The following ENOPH1 variants were observed in gnomAD, a reference collection of about 807,000 sequenced individuals.
The protein encoded by ENOPH1 is enolase-phosphatase 1, also known as enolase-phosphatase E1.
In ENOPH1, 14 loss-of-function variants were observed where a neutral mutation model predicts 31.1. That is an observed-to-expected ratio of 0.45 (90% CI 0.30 to 0.70). The LOEUF (loss-of-function observed/expected upper bound fraction) is 0.70. Among genes scored for constraint, ENOPH1 ranks in the 30% least tolerant of loss-of-function variants. The pLI is 0.09. For missense variants in ENOPH1, 243 were observed against 321.5 expected, an observed-to-expected ratio of 0.76 and a Z score of 1.87; for synonymous variants, 127 against 123.2, an observed-to-expected ratio of 1.03 and a Z score of -0.21.
At chr4:82,458,264 T>C (rs1722541517) in intron 5 of ENOPH1, among the ~76,000 whole-genome samples, 1 of 152,176 alleles carries the variant, frequency 6.6e-6, no homozygotes, top group African/African-American at 2.4e-5. Context: ...CCTAGCACTT[T>C]GGGAGGCCAA....
chr4:82,440,169 A>G (rs1330332539), intron 1 of ENOPH1, among the ~76,000 whole-genome samples: 1 of 152,216 alleles, frequency 6.6e-6, no homozygotes, highest in Non-Finnish European at 1.5e-5. Flanking sequence ...TGCTCAGTAA[A>G]TGTTGGCAGT....
chr4:82,449,057 C>CAAAAAAAAAA (rs10604951), intron 2 of ENOPH1, among the ~76,000 whole-genome samples: 11 of 49,522 alleles, frequency 2.2e-4, no homozygotes, highest in Non-Finnish European at 3.2e-4. Context: ...GACTCCGTCT[C>CAAAAAAAAAA]AAAAAAAAAA....
Position 82,456,972 on chromosome 4 carries a change from C to T in ENOPH1, c.580C>T (p.Arg194Ter). ...IGHKVESESYRKIADSIGCST... is the reference protein window; with the variant it reads ...IGHKVESESY Reference sequence around the variant, plus strand: ...ACACAAAGTAGAGAGTGAAAGTTACCGAAAGATTGCAGACAGCATTGGGTG... The same window carrying T: ...ACACAAAGTAGAGAGTGAAAGTTACTGAAAGATTGCAGACAGCATTGGGTG... Residue 194 changes from arginine (R) to a stop codon, truncating the protein, a stop_gained, in exon 5 of 6, where the codon CGA (arginine) becomes TGA (stop). Transcript: ENST00000273920. LOFTEE classifies it high-confidence loss of function. 3.1e-6 allele frequency: 5 copies of T among 1,613,912 alleles called. No homozygotes were observed. The highest frequency in any genetic ancestry group is 2.5e-6 in the Non-Finnish European group (3 of 1,179,962).
chr4:82,430,939 G>A (rs772139272), intron 1 of ENOPH1, 26 bp downstream of exon 1: 2 of 1,599,860 alleles, frequency 1.3e-6, no homozygotes, highest in Non-Finnish European at 1.7e-6. Flanking sequence ...GAGCGGGGAT[G>A]TTACTTTTCC....
chr4:82,432,422 G>A (rs1403412345), intron 1 of ENOPH1, among the ~76,000 whole-genome samples: 1 of 152,212 alleles, frequency 6.6e-6, no homozygotes, highest in African/African-American at 2.4e-5. Context: ...TCAGCTCACT[G>A]CAACCTCTGC....
chr4:82,443,911 GGGAGTACAGGCT>G, intron 1 of ENOPH1, among the ~76,000 whole-genome samples: 1 of 151,796 alleles, frequency 6.6e-6, no homozygotes, highest in African/African-American at 2.4e-5. Flanking sequence ...CTGTCACCCA[GGGAGTACAGGCT>G]GGAGTACAGT....
intron 1 of ENOPH1, among the ~76,000 whole-genome samples, chr4:82,440,913 C>A (rs1021532982): frequency 6.6e-6 from 1 of 152,156 alleles, no homozygotes; most frequent in African/African-American, 2.4e-5. Flanking sequence ...TGTTTACTCC[C>A]ATGAAGACGA....
At chr4:82,438,479 C>T (rs977462988) in intron 1 of ENOPH1, among the ~76,000 whole-genome samples, 1 of 152,028 alleles carries the variant, frequency 6.6e-6, no homozygotes, top group African/African-American at 2.4e-5. Flanking sequence ...CATAGGGAGA[C>T]CCCATCTCTA....
At chr4:82,440,728 A>C (rs1578095032) in intron 1 of ENOPH1, among the ~76,000 whole-genome samples, 1 of 152,182 alleles carries the variant, frequency 6.6e-6, no homozygotes, top group South Asian at 2.1e-4. Context: ...GATTCATTGC[A>C]CTTAATTAGA....
chr4:82,460,037 A>G lies in ENOPH1; in HGVS notation c.703A>G (p.Asn235Asp). 1 of 1,614,186 alleles carries G rather than the reference A, an allele frequency of 6.2e-7. No homozygotes were observed. Among genetic ancestry groups the G allele is most frequent in the Non-Finnish European group, 8.5e-7 (1 of 1,180,028 alleles). ...CGTAGCTGTGGTGGTGAGACCAGGC[A>G]ACGCAGGATTAACAGATGATGAGAA... ...VHVAVVVRPG[N>D]AGLTDDEKTY... is the part of the protein sequence containing the mutation. The change falls in exon 6 of 6, where the codon AAC (asparagine) becomes GAC (aspartate). Residue 235 changes from asparagine to aspartate, a missense_variant. Asn to Asp is a conservative substitution (Grantham distance 23). Coordinates refer to ENST00000273920, the MANE Select transcript of ENOPH1 (RefSeq NM_021204.5).
intron 3 of ENOPH1, among the ~76,000 whole-genome samples, chr4:82,452,672 C>T (rs754577939): frequency 2.0e-5 from 3 of 151,978 alleles, no homozygotes; most frequent in East Asian, 3.9e-4. Flanking sequence ...CTGCAACCTC[C>T]GCCCTCTGGG....
intron 1 of ENOPH1, among the ~76,000 whole-genome samples, chr4:82,446,186 G>A (rs181734003): frequency 1.2e-3 from 179 of 152,280 alleles, no homozygotes; most frequent in Middle Eastern, 3.4e-3. Context: ...GGGAGGCTGA[G>A]GCCGGTGGAT....
chr4:82,433,238 CATA>C (rs1348880004), intron 1 of ENOPH1, among the ~76,000 whole-genome samples: 1 of 152,180 alleles, frequency 6.6e-6, no homozygotes. Context: ...TGCAACAAAA[CATA>C]ATACCCCTCC....
chr4:82,451,244 G>A lies in ENOPH1; in HGVS notation c.388G>A (p.Glu130Lys). 1 of 1,614,070 alleles carries A rather than the reference G, an allele frequency of 6.2e-7. No homozygotes were observed. Among genetic ancestry groups the A allele is most frequent in the South Asian group, 1.1e-5 (1 of 91,068 alleles). The change falls in exon 3 of 6, where the codon GAG becomes AAG. Residue 130 changes from glutamate (E) to lysine (K), a missense_variant and splice_region_variant. By Grantham distance (56) the Glu-to-Lys change is moderately conservative. Coordinates refer to ENST00000273920, the MANE Select transcript of ENOPH1 (RefSeq NM_021204.5). ...ATTCACAGCTGGGCGCATGAAAGCA[G>A]AGTATGTGCTTGAGTCAGCCTAAAC... ...AAFTAGRMKAEFFADVVPAVR... is the reference protein window; with the variant it reads ...AAFTAGRMKAKFFADVVPAVR...
chr4:82,442,039 G>A (rs573463936), intron 1 of ENOPH1, among the ~76,000 whole-genome samples: 5 of 152,296 alleles, frequency 3.3e-5, no homozygotes, highest in Admixed American at 6.5e-5. Flanking sequence ...TACCTGTGCC[G>A]ATAAAGCTCT....
chr4:82,445,252 T>C (rs905636001), intron 1 of ENOPH1, among the ~76,000 whole-genome samples: 2 of 152,086 alleles, frequency 1.3e-5, no homozygotes, highest in Admixed American at 1.3e-4. Flanking sequence ...AAAATTCTTA[T>C]AATGTATGAT....
chr4:82,441,531 G>A (rs927371435), intron 1 of ENOPH1, among the ~76,000 whole-genome samples: 7 of 152,198 alleles, frequency 4.6e-5, no homozygotes, highest in Non-Finnish European at 7.3e-5. Context: ...CTACTCTGGA[G>A]GCTGAGGCAG....
chr4:82,446,840 G>A (rs1722203630), intron 1 of ENOPH1, among the ~76,000 whole-genome samples: 1 of 150,112 alleles, frequency 6.7e-6, no homozygotes, highest in Non-Finnish European at 1.5e-5. Flanking sequence ...CCGAGTAGCT[G>A]GGACTACAGG....
rs930378638 is a variant in ENOPH1 at position 82,460,916 on chromosome 4, A to G, written c.*796A>G. On this transcript the variant is annotated 3_prime_UTR_variant, in exon 6 of 6. Coordinates refer to ENST00000273920, the MANE Select transcript of ENOPH1 (RefSeq NM_021204.5). ...GTTAATTGCTATTTACTATTTAAAAAGTTTTACTGAAATCAGTCCATAACA... is the reference window on the plus strand; with the variant it reads ...GTTAATTGCTATTTACTATTTAAAAGGTTTTACTGAAATCAGTCCATAACA... The G allele has an allele frequency of 2.2e-4, 34 of 152,230 alleles. No homozygotes were observed. The highest frequency in any genetic ancestry group is 7.7e-4 in the African/African-American group (32 of 41,474). 9.4% of individuals were successfully genotyped at this position (152,230 alleles called of 1,614,324 possible).
Sources: gnomAD v4.1 joint callset for allele counts (sites outside exome capture counted in the v4.1 genomes callset) on GRCh38, gnomAD v4.1.1 for gene constraint, MANE v1.5 for transcripts, NCBI Gene and HGNC (gene_info 2026-07-23, HGNC 2026-07-21) for gene names.